Variants in SMPX observed in about 807,000 individuals in gnomAD.
SMPX encodes the protein small muscle protein X-linked, also known as small muscular protein.
SMPX carries 2 observed loss-of-function variants against 6.3 expected under a neutral mutation model. The ratio of observed to expected loss-of-function variants is 0.32; its 90% CI spans 0.13 to 0.99. The LOEUF is 0.99. Ranked by LOEUF, SMPX falls within the 50% of genes least tolerant of loss-of-function variation. SMPX has a pLI of 0.49. For synonymous variants in SMPX, 32 were observed against 24.7 expected, an observed-to-expected ratio of 1.30 and a Z score of -0.88; for missense variants, 60 against 66.8, an observed-to-expected ratio of 0.90 and a Z score of 0.36.
chrX:21,718,490 A>G (rs1228396959), intron 4 of SMPX, among the ~76,000 whole-genome samples: 5 of 112,076 alleles, frequency 4.5e-5, no homozygotes, highest in Non-Finnish European at 1.9e-5. Context: ...CATTACTTTG[A>G]GCAGTAAATC....
intron 4 of SMPX, among the ~76,000 whole-genome samples, chrX:21,720,592 G>T (rs928509570): frequency 8.9e-5 from 10 of 112,800 alleles, no homozygotes; most frequent in African/African-American, 2.6e-4. Flanking sequence ...ATGTATCAAG[G>T]AATAGGCGAA....
At chrX:21,754,681 G>A (rs1449138159) in intron 1 of SMPX, among the ~76,000 whole-genome samples, 2 of 112,498 alleles carry the variant, frequency 1.8e-5, no homozygotes, top group Non-Finnish European at 3.8e-5. Flanking sequence ...TTCTTGGCTT[G>A]AAACTGAACT....
chrX:21,756,244 A>C (rs2092832842), intron 1 of SMPX, among the ~76,000 whole-genome samples: 1 of 112,437 alleles, frequency 8.9e-6, no homozygotes, highest in Admixed American at 9.5e-5. Context: ...TTATGTTATG[A>C]CAATAGCAAG....
chrX:21,745,428 T>C (rs1283885350), intron 2 of SMPX, among the ~76,000 whole-genome samples: 1 of 111,658 alleles, frequency 9.0e-6, no homozygotes, highest in Non-Finnish European at 1.9e-5. Flanking sequence ...TTAATATCTC[T>C]GGTCAGAGTG....
rs766579639 is a variant in SMPX, at chrX:21,753,642, A to G, written c.45+604T>C. Reference sequence around the variant, plus strand: ...AATAACAAATTAAATATTGAGTAAAAACAAATACTGCAAGTTATTTTCATA... The same window carrying G: ...AATAACAAATTAAATATTGAGTAAAGACAAATACTGCAAGTTATTTTCATA... On this transcript the variant is annotated intron_variant, in intron 2 of 4. Transcript: ENST00000379494. Among the ~76,000 whole-genome samples the G allele has an allele frequency of 6.2e-5, 7 of 112,153 alleles. No homozygotes were observed. The South Asian group carries it at 2.6e-3, about 42-fold the overall frequency.
chrX:21,755,306 G>C (rs1439472018), intron 1 of SMPX, among the ~76,000 whole-genome samples: 1 of 112,863 alleles, frequency 8.9e-6, no homozygotes, highest in East Asian at 2.8e-4. Context: ...TGGTGTAAGT[G>C]GTGTGTCCAC....
chrX:21,711,471 C>T (rs761905020), intron 4 of SMPX, among the ~76,000 whole-genome samples: 45 of 111,829 alleles, frequency 4.0e-4, no homozygotes, highest in Non-Finnish European at 7.3e-4. Flanking sequence ...AGCTACCCCA[C>T]GTAACTTTTA....
chrX:21,747,469 A>G (rs760476543), intron 2 of SMPX, among the ~76,000 whole-genome samples: 4 of 111,993 alleles, frequency 3.6e-5, no homozygotes, highest in Non-Finnish European at 7.5e-5. Context: ...TAGGTGAAGA[A>G]AAGTAGAAAG....
intron 3 of SMPX, 93 bp from the exon 4 acceptor site, chrX:21,737,790 C>T: frequency 1.2e-6 from 1 of 852,926 alleles, no homozygotes; most frequent in Non-Finnish European, 1.7e-6. Context: ...ATTAAAGTAA[C>T]AATGATGTCA....
intron 4 of SMPX, among the ~76,000 whole-genome samples, chrX:21,721,085 T>A (rs1323793822): frequency 9.0e-6 from 1 of 111,530 alleles, no homozygotes. Context: ...TTCTCCAGGG[T>A]AGGGTACATA....
chrX:21,752,864 T>C (rs2092828994), intron 2 of SMPX, among the ~76,000 whole-genome samples: 1 of 111,234 alleles, frequency 9.0e-6, no homozygotes, highest in South Asian at 3.8e-4. Flanking sequence ...AGGAAGTGAA[T>C]ACTATTATTT....
intron 1 of SMPX, among the ~76,000 whole-genome samples, chrX:21,757,070 T>C (rs1262164486): frequency 8.9e-6 from 1 of 111,794 alleles, no homozygotes; most frequent in Non-Finnish European, 1.9e-5. Flanking sequence ...ACTAAAAATT[T>C]GTCAATAGTA....
intron 2 of SMPX, among the ~76,000 whole-genome samples, chrX:21,753,441 A>G (rs1391799854): frequency 9.0e-6 from 1 of 111,357 alleles, no homozygotes; most frequent in Non-Finnish European, 1.9e-5. Context: ...GGCCTAAAAT[A>G]TTCAGGAACT....
At chrX:21,731,106 T>C (rs1403228426) in intron 4 of SMPX, among the ~76,000 whole-genome samples, 1 of 111,141 alleles carries the variant, frequency 9.0e-6, no homozygotes, top group African/African-American at 3.3e-5. Context: ...TTTTTAAATG[T>C]ACCTTGTGAT....
chrX:21,710,224 T>C (rs192605333), intron 4 of SMPX, among the ~76,000 whole-genome samples: 193 of 112,374 alleles, frequency 1.7e-3, no homozygotes, highest in African/African-American at 5.9e-3. Flanking sequence ...ACTACTCATC[T>C]ATAAAAAGGA....
chrX:21,731,937 G>A lies in SMPX; in HGVS notation c.*14+5612C>T, dbSNP rs1389512029. On this transcript the variant is annotated intron_variant, in intron 4 of 4. Coordinates refer to ENST00000379494, the MANE Select transcript of SMPX (RefSeq NM_014332.3). ...AGTTATTCTAGACATTATGGAAAAT[G>A]GGATATTGAATTCCCCAATTATTAT... is the stretch of plus-strand genomic sequence containing the variant. Among the ~76,000 whole-genome samples the A allele has an allele frequency of 2.7e-5, 3 of 109,556 alleles. No homozygotes were observed. The East Asian group carries it at 8.7e-4, about 32-fold the overall frequency.
chrX:21,737,492 T>C (rs2092811624), intron 4 of SMPX, 57 bp downstream of exon 4: 2 of 1,027,634 alleles, frequency 1.9e-6, no homozygotes, highest in Non-Finnish European at 2.7e-6. Context: ...GTGGAAGGCT[T>C]CCTTAAACCA....
At chrX:21,721,383 C>T (rs996640008) in intron 4 of SMPX, among the ~76,000 whole-genome samples, 2 of 112,172 alleles carry the variant, frequency 1.8e-5, no homozygotes, top group African/African-American at 6.5e-5. Context: ...ACTGGTTCAC[C>T]CTATAAATAA....
chrX:21,737,778 AAATT>A, intron 3 of SMPX, 81 bp from the exon 4 acceptor site: 1 of 958,045 alleles, frequency 1.0e-6, no homozygotes, highest in Non-Finnish European at 1.5e-6. Context: ...CCAGAAAAAA[AAATT>A]AAAGTAACAA....
Sources: gnomAD v4.1 joint callset for allele counts (sites outside exome capture counted in the v4.1 genomes callset) on GRCh38, gnomAD v4.1.1 for gene constraint, MANE v1.5 for transcripts, NCBI Gene and HGNC (gene_info 2026-07-23, HGNC 2026-07-21) for gene names.